PDE9A: variants seen among roughly 807,000 people sequenced by gnomAD.
PDE9A encodes the protein high affinity cGMP-specific 3',5'-cyclic phosphodiesterase 9A.
PDE9A carries 60 observed loss-of-function variants against 87.4 expected under a neutral mutation model. That is an observed-to-expected ratio of 0.69 (90% confidence interval 0.56 to 0.85). The LOEUF is 0.85. Ranked by LOEUF, PDE9A falls within the 40% of genes least tolerant of loss-of-function variation. PDE9A has a pLI of 0.00. For missense variants in PDE9A, 665 were observed against 779.0 expected (o/e 0.85, Z 1.74); for synonymous variants, 272 against 279.4 (o/e 0.97, Z 0.27).
intron 4 of PDE9A, among the ~76,000 whole-genome samples, chr21:42,701,559 C>T (rs938254006): frequency 6.6e-6 from 1 of 152,022 alleles, no homozygotes; most frequent in Non-Finnish European, 1.5e-5. Flanking sequence ...TCCTCAGCCT[C>T]CCAAGTAGCT....
At chr21:42,719,654 A>G (rs920343041) in intron 4 of PDE9A, among the ~76,000 whole-genome samples, 4 of 146,974 alleles carry the variant, frequency 2.7e-5, no homozygotes, top group Non-Finnish European at 6.2e-5. Context: ...AAAAAAAAAA[A>G]AAAAAAAGAA....
intron 1 of PDE9A, among the ~76,000 whole-genome samples, 185 bp downstream of exon 1, chr21:42,654,068 C>CTGGGGGGTGGGGGG (rs1324655091): frequency 8.5e-5 from 10 of 117,484 alleles, no homozygotes; most frequent in Middle Eastern, 4.2e-3. Flanking sequence ...GCGACTCGCC[C>CTGGGGGGTGGGGGG]TGGGGGGTGG....
intron 14 of PDE9A, 103 bp downstream of exon 14, chr21:42,762,342 G>A (rs570227279): frequency 2.4e-6 from 3 of 1,267,630 alleles, no homozygotes; most frequent in East Asian, 4.7e-5. Flanking sequence ...CCTGGCCACA[G>A]CAGTGCCCTG....
chr21:42,679,692 G>A (rs1463644641), intron 1 of PDE9A, among the ~76,000 whole-genome samples: 1 of 152,026 alleles, frequency 6.6e-6, no homozygotes, highest in African/African-American at 2.4e-5. Context: ...GCGGAGACAG[G>A]AGAACACTGT....
intron 15 of PDE9A, among the ~76,000 whole-genome samples, chr21:42,767,052 T>C (rs11203214): frequency 6.6e-6 from 1 of 151,378 alleles, no homozygotes; most frequent in South Asian, 2.1e-4. Context: ...CCCAACGACC[T>C]GCACCGCGGG....
chr21:42,726,620 A>ATTTT (rs1246828424), intron 4 of PDE9A, among the ~76,000 whole-genome samples: 33 of 24,226 alleles, frequency 1.4e-3, no homozygotes, highest in Admixed American at 8.7e-4. Flanking sequence ...ATATATATAT[A>ATTTT]TATATTTTTT....
chr21:42,731,799 C>CGT lies in PDE9A; in HGVS notation c.294_295dup (p.Gly99ValfsTer9), dbSNP rs767558996. 7 of 1,614,072 alleles carry CGT rather than the reference C, an allele frequency of 4.3e-6. No homozygotes were observed. The Admixed American group carries it at 1.2e-4, about 27-fold the overall frequency. ...TGTCGAGGACAAGAGAACCACAAGC[C>CGT]GTGGCCAGTCTGCTGAGAGACCACT... On this transcript the variant is annotated frameshift_variant, in exon 5 of 20. Coordinates refer to ENST00000291539, the MANE Select transcript of PDE9A (RefSeq NM_002606.3). LOFTEE classifies it high-confidence loss of function.
intron 1 of PDE9A, among the ~76,000 whole-genome samples, chr21:42,656,443 T>C (rs1267769123): frequency 6.6e-6 from 1 of 152,224 alleles, no homozygotes; most frequent in Non-Finnish European, 1.5e-5. Context: ...AGTTCTGTGC[T>C]CCGGCAAAGC....
At chr21:42,738,680 CT>C (rs1254231846) in intron 7 of PDE9A, among the ~76,000 whole-genome samples, 1 of 152,164 alleles carries the variant, frequency 6.6e-6, no homozygotes, top group South Asian at 2.1e-4. Context: ...TTTCAAAGCC[CT>C]TTTTTGTTGC....
chr21:42,673,549 G>C (rs1385034211), intron 1 of PDE9A, among the ~76,000 whole-genome samples: 1 of 152,218 alleles, frequency 6.6e-6, no homozygotes, highest in Non-Finnish European at 1.5e-5. Context: ...AACATATGAA[G>C]CATATATAAA....
chr21:42,655,352 G>T (rs547361400), intron 1 of PDE9A, among the ~76,000 whole-genome samples: 1 of 152,348 alleles, frequency 6.6e-6, no homozygotes, highest in African/African-American at 2.4e-5. Context: ...TCCTAAAGAT[G>T]TCCCGGGAGC....
intron 3 of PDE9A, chr21:42,689,892 G>GGA (rs2059694152): frequency 2.1e-6 from 2 of 958,462 alleles, no homozygotes; most frequent in African/African-American, 3.5e-5. Flanking sequence ...GACACACGCA[G>GGA]TTGAGGATAC....
chr21:42,718,875 A>G (rs1275880410), intron 4 of PDE9A, among the ~76,000 whole-genome samples: 2 of 151,710 alleles, frequency 1.3e-5, no homozygotes, highest in Non-Finnish European at 2.9e-5. Context: ...TAGGAGAGAC[A>G]TTGGATTTTG....
chr21:42,768,378 G>A (rs2056605794), intron 16 of PDE9A, 86 bp downstream of exon 16: 3 of 1,052,476 alleles, frequency 2.9e-6, no homozygotes, highest in Non-Finnish European at 4.3e-6. Context: ...GCACGCCTGG[G>A]TGGTCCCGCA....
chr21:42,736,961 A>C (rs1318805478), intron 7 of PDE9A, among the ~76,000 whole-genome samples: 1 of 152,328 alleles, frequency 6.6e-6, no homozygotes, highest in African/African-American at 2.4e-5. Flanking sequence ...TTCCAGAGAC[A>C]CTACAAGGGC....
intron 7 of PDE9A, among the ~76,000 whole-genome samples, chr21:42,737,373 T>C (rs1266028707): frequency 1.3e-5 from 2 of 152,228 alleles, no homozygotes; most frequent in African/African-American, 4.8e-5. Context: ...GATACATTCA[T>C]ATATATGATC....
At chr21:42,663,374 C>T (rs1243783420) in intron 1 of PDE9A, among the ~76,000 whole-genome samples, 1 of 152,196 alleles carries the variant, frequency 6.6e-6, no homozygotes, top group South Asian at 2.1e-4. Context: ...ACAGAGAAGT[C>T]AGCAGAGCCC....
chr21:42,670,056 T>C (rs1221493501), intron 1 of PDE9A, among the ~76,000 whole-genome samples: 2 of 151,690 alleles, frequency 1.3e-5, no homozygotes, highest in African/African-American at 4.9e-5. Context: ...CACACACACT[T>C]ACACATTCAC....
chr21:42,720,004 G>C (rs2050336037), intron 4 of PDE9A, among the ~76,000 whole-genome samples: 1 of 152,146 alleles, frequency 6.6e-6, no homozygotes, highest in Non-Finnish European at 1.5e-5. Flanking sequence ...CCTCAGACAC[G>C]ATGAGCCAGA....
Sources: gnomAD v4.1 joint callset for allele counts (sites outside exome capture counted in the v4.1 genomes callset) on GRCh38, gnomAD v4.1.1 for gene constraint, MANE v1.5 for transcripts, NCBI Gene and HGNC (gene_info 2026-07-23, HGNC 2026-07-21) for gene names.